The following CDH3 variants were observed in gnomAD, a reference collection of about 807,000 sequenced individuals.
CDH3 encodes the protein cadherin 3.
CDH3 carries 54 observed loss-of-function variants against 82.0 expected under a neutral mutation model. That is an observed-to-expected ratio of 0.66 (90% CI 0.53 to 0.83). The LOEUF (loss-of-function observed/expected upper bound fraction) is 0.83. CDH3 is among the 40% of genes least tolerant of loss of function. The probability of loss-of-function intolerance (pLI) is 0.00; values close to 1 mark genes in which losing one functional copy is unlikely to be tolerated. For missense variants in CDH3, 1,054 were observed against 1,084.6 expected (o/e 0.97, Z 0.40); for synonymous variants, 446 against 437.9 (o/e 1.02, Z -0.23).
In CDH3 at chr16:68,684,464, T is replaced by C. The variant is rs4783661; in HGVS notation, c.1183-119T>C. 0.45 allele frequency: 519,593 copies of C among 1,142,220 alleles called. 121,467 individuals are homozygous for C. The highest frequency in any genetic ancestry group is 0.59 in the East Asian group (25,347 of 42,686). 70.8% of individuals were successfully genotyped at this position (1,142,220 alleles called of 1,614,324 possible). On this transcript the variant is annotated intron_variant, in intron 9 of 15. Coordinates refer to ENST00000264012, the MANE Select transcript of CDH3 (RefSeq NM_001793.6). ...ATGTTACAGAGAAAGGGCAGCACTG[T>C]TGCTAGTGAGGGCCTCAAGCCCCTC...
chr16:68,669,617 G>A (rs1018837335), intron 2 of CDH3, among the ~76,000 whole-genome samples: 12 of 101,888 alleles, frequency 1.2e-4, no homozygotes, highest in South Asian at 2.5e-4. Context: ...GTGGGGTGGC[G>A]GGGGGGGTGG....
intron 2 of CDH3, among the ~76,000 whole-genome samples, chr16:68,671,155 CT>C (rs777512178): frequency 0.19 from 26,427 of 139,234 alleles, 2,715 homozygotes; most frequent in African/African-American, 0.32. Flanking sequence ...GATTGATGTA[CT>C]TTTTTTTTTT....
chr16:68,701,728 T>C, downstream of CDH3, among the ~76,000 whole-genome samples: 1 of 151,836 alleles, frequency 6.6e-6, no homozygotes. Flanking sequence ...TGTATTTTAG[T>C]TAAAAAATAT....
At chr16:68,701,919 G>T (rs1961901968), downstream of CDH3, among the ~76,000 whole-genome samples, 1 of 151,882 alleles carries the variant, frequency 6.6e-6, no homozygotes, top group African/African-American at 2.4e-5. Flanking sequence ...CGCTACTTGG[G>T]AGGCTGAGGC....
chr16:68,650,438 G>A (rs1781073845), intron 2 of CDH3, among the ~76,000 whole-genome samples: 1 of 152,078 alleles, frequency 6.6e-6, no homozygotes, highest in Admixed American at 6.6e-5. Flanking sequence ...CCAAGTAACT[G>A]GTACAGGCAT....
chr16:68,655,579 C>T (rs1481497364), intron 2 of CDH3, among the ~76,000 whole-genome samples: 1 of 152,128 alleles, frequency 6.6e-6, no homozygotes, highest in Non-Finnish European at 1.5e-5. Context: ...CATGGTGGCT[C>T]ACACCTGTAA....
intron 12 of CDH3, 109 bp from the exon 13 acceptor site, chr16:68,691,611 T>A: frequency 1.2e-6 from 1 of 849,048 alleles, no homozygotes; most frequent in Non-Finnish European, 2.0e-6. Flanking sequence ...GTGGAGTATT[T>A]CTCTGCATTG....
chr16:68,670,244 A>T (rs111619126), intron 2 of CDH3, among the ~76,000 whole-genome samples: 1 of 138,160 alleles, frequency 7.2e-6, no homozygotes, highest in East Asian at 2.2e-4. Context: ...AAAAAAAAAA[A>T]GAACATCATT....
intron 1 of CDH3, among the ~76,000 whole-genome samples, chr16:68,706,410 A>G (rs1387606208): frequency 2.0e-5 from 3 of 151,556 alleles, no homozygotes; most frequent in Non-Finnish European, 2.9e-5. Context: ...AGCTCCCTCC[A>G]CTGTCCCCCA....
chr16:68,645,548 G>C, intron 1 of CDH3, 88 bp from the exon 2 acceptor site: 2 of 1,448,204 alleles, frequency 1.4e-6, no homozygotes, highest in South Asian at 1.2e-5. Flanking sequence ...GGGAGTCCCG[G>C]AAGGCCCGTG....
chr16:68,678,930 G>A (rs1356850133), intron 6 of CDH3, 24 bp downstream of exon 6: 2 of 1,612,060 alleles, frequency 1.2e-6, no homozygotes, highest in Non-Finnish European at 1.7e-6. Flanking sequence ...GAAGGGGACT[G>A]CTACGGGGCT....
At position 68,698,258 on chromosome 16, in the gene CDH3, A is replaced by T. The variant is rs1701782506; in HGVS notation, c.2348A>T (p.Glu783Val). The T allele has an allele frequency of 1.9e-6, 3 of 1,614,108 alleles. No individual in the cohort carries two copies. Among genetic ancestry groups the T allele is most frequent in the Non-Finnish European group, 2.5e-6 (3 of 1,180,048 alleles). The part of the protein sequence containing the change: ...PYDTLLVFDY[E>V]GSGSDAASLS... ...GACACCCTCTTGGTGTTCGACTATG[A>T]GGGCAGCGGCTCCGACGCCGCGTCC... The change falls in exon 16 of 16, where the codon GAG (glutamate) becomes GTG (valine). Residue 783 changes from glutamate to valine, a missense_variant. Coordinates refer to ENST00000264012, the MANE Select transcript of CDH3 (RefSeq NM_001793.6).
rs748818005 is a variant in CDH3, at chr16:68,687,589, C to A, written c.1648C>A (p.Pro550Thr). 1 of 1,614,104 alleles carries A rather than the reference C, an allele frequency of 6.2e-7. No individual in the cohort carries two copies. Among genetic ancestry groups the A allele is most frequent in the Admixed American group, 1.7e-5 (1 of 60,002 alleles). The stretch of plus-strand genomic sequence containing the variant: ...CAATGACCATGGCCCAGTCCCTGAG[C>A]CCCGTCAGATCACCATCTGCAACCA... ...DVNDHGPVPE[P>T]RQITICNQSP... Residue 550 changes from proline (P) to threonine (T), a missense_variant, in exon 12 of 16, where the codon CCC becomes ACC. Physicochemically the swap from Pro to Thr is conservative, Grantham distance 38. Transcript: ENST00000264012.
intron 13 of CDH3, among the ~76,000 whole-genome samples, chr16:68,693,407 G>C (rs1961627645): frequency 6.6e-6 from 1 of 152,082 alleles, no homozygotes; most frequent in Non-Finnish European, 1.5e-5. Context: ...GGTCAGAGGT[G>C]GTCATGTTTC....
At chr16:68,700,382 C>T (rs1961873188), downstream of CDH3, 1 of 152,272 alleles carries the variant, frequency 6.6e-6, no homozygotes, top group Non-Finnish European at 1.5e-5. Context: ...AACCTCTAGG[C>T]AGGGCCCTGC....
chr16:68,673,519 C>T (rs1025939290), intron 2 of CDH3, among the ~76,000 whole-genome samples: 4 of 150,588 alleles, frequency 2.7e-5, no homozygotes, highest in Non-Finnish European at 4.4e-5. Context: ...AGTACAGTGG[C>T]GCAGTCATGG....
intron 13 of CDH3, among the ~76,000 whole-genome samples, chr16:68,692,831 G>A (rs1961612504): frequency 1.3e-5 from 2 of 152,184 alleles, no homozygotes; most frequent in African/African-American, 2.4e-5. Flanking sequence ...TTTGCTGGGC[G>A]CAGTGGCTCA....
chr16:68,678,122 C>G lies in CDH3; in HGVS notation c.247-12C>G. The G allele has an allele frequency of 2.5e-6, 4 of 1,612,216 alleles. No homozygotes were observed. Among genetic ancestry groups the G allele is most frequent in the Non-Finnish European group, 3.4e-6 (4 of 1,178,322 alleles). On this transcript the variant is annotated splice_polypyrimidine_tract_variant and intron_variant, in intron 3 of 15. Transcript: ENST00000264012. ...TTTGCACATCTGGGTTAAGGAGTTT[C>G]TCTCCTTGCAGGAAAGAAGGTCACT...
chr16:68,726,703 T>C (rs9933621), intron 2 of CDH3, among the ~76,000 whole-genome samples: 128,889 of 150,884 alleles, frequency 0.85, 55,215 homozygotes, highest in Non-Finnish European at 0.89. Context: ...CTCAGCCTCC[T>C]GAGTAGCTGG....
Sources: allele counts gnomAD v4.1 joint callset (sites outside exome capture counted in the v4.1 genomes callset), GRCh38; gene constraint gnomAD v4.1.1; transcripts MANE v1.5; gene names NCBI Gene and HGNC (gene_info 2026-07-23, HGNC 2026-07-21).